EPB41L5: variants seen among roughly 807,000 people sequenced by gnomAD.
The protein encoded by EPB41L5 is band 4.1-like protein 5.
EPB41L5 carries 55 observed loss-of-function variants against 106.6 expected under a neutral mutation model. The observed-to-expected ratio is 0.52, with a 90% confidence interval of 0.42 to 0.65. The LOEUF (loss-of-function observed/expected upper bound fraction) is 0.65, where lower values mean the gene tolerates loss of function less well. Among genes scored for constraint, EPB41L5 ranks in the 30% least tolerant of loss-of-function variants. The pLI is 0.00. For synonymous variants in EPB41L5, 297 were observed against 306.7 expected (o/e 0.97, Z 0.33); for missense variants, 871 against 882.1 (o/e 0.99, Z 0.16).
At chr2:120,034,690 C>A (rs1176943857) in intron 2 of EPB41L5, among the ~76,000 whole-genome samples, 10 of 146,548 alleles carry the variant, frequency 6.8e-5, no homozygotes, top group South Asian at 2.2e-4. Flanking sequence ...CAAAACAAAA[C>A]AAAAAAAAAA....
chr2:120,077,493 G>T (rs576878760), intron 9 of EPB41L5, among the ~76,000 whole-genome samples, 177 bp downstream of exon 9: 1 of 152,262 alleles, frequency 6.6e-6, no homozygotes, highest in South Asian at 2.1e-4. Context: ...CTCACAGAAA[G>T]GTTCATTATA....
intron 2 of EPB41L5, among the ~76,000 whole-genome samples, chr2:120,039,254 G>A (rs1679239753): frequency 6.6e-6 from 1 of 152,048 alleles, no homozygotes; most frequent in South Asian, 2.1e-4. Context: ...GTATTAATGG[G>A]AGAGAAGTTA....
chr2:120,148,978 C>A (rs1261603685), intron 20 of EPB41L5, among the ~76,000 whole-genome samples: 7 of 152,064 alleles, frequency 4.6e-5, no homozygotes, highest in African/African-American at 1.2e-4. Context: ...TTCATTCTTA[C>A]CAGCAATGTA....
Position 120,019,089 on chromosome 2 carries a change from T to A in EPB41L5, c.5T>A (p.Leu2Gln), listed in dbSNP as rs1677742403. The change falls in exon 2 of 25, where the codon CTG (leucine) becomes CAG (glutamine). Residue 2 changes from leucine (L) to glutamine (Q), a missense_variant. Coordinates refer to ENST00000263713, the MANE Select transcript of EPB41L5 (RefSeq NM_020909.4). MLSFFRRTLGRR... is the reference protein window; with the variant it reads MQSFFRRTLGRR... ...TCTGTTTTTATAGTGACAAAAATGC[T>A]GAGTTTCTTCCGTAGAACACTAGGG... The A allele has an allele frequency of 6.3e-7, 1 of 1,596,870 alleles. No homozygotes were observed. The highest frequency in any genetic ancestry group is 1.4e-5 in the African/African-American group (1 of 73,504).
intron 1 of EPB41L5, chr2:120,013,429 C>T (rs1010639824): frequency 2.6e-5 from 4 of 152,070 alleles, no homozygotes; most frequent in African/African-American, 9.7e-5. Flanking sequence ...GGCAGGGCCG[C>T]CGAGTTTCGG....
chr2:120,145,211 G>A (rs1473986326), intron 19 of EPB41L5, among the ~76,000 whole-genome samples: 2 of 152,110 alleles, frequency 1.3e-5, no homozygotes, highest in Non-Finnish European at 2.9e-5. Flanking sequence ...CATCTAACCC[G>A]CAATTACATT....
intron 16 of EPB41L5, among the ~76,000 whole-genome samples, chr2:120,108,674 AT>A (rs1684586264): frequency 6.6e-6 from 1 of 152,198 alleles, no homozygotes; most frequent in African/African-American, 2.4e-5. Context: ...ATTTATACCC[AT>A]TAACAGAGAA....
intron 16 of EPB41L5, among the ~76,000 whole-genome samples, chr2:120,117,024 A>C (rs943698575): frequency 1.3e-5 from 2 of 152,194 alleles, no homozygotes; most frequent in Admixed American, 6.5e-5. Flanking sequence ...ATTTGCCCTT[A>C]ATTTTAAAAA....
chr2:120,146,955 T>G (rs890764509), intron 20 of EPB41L5, among the ~76,000 whole-genome samples: 27 of 152,208 alleles, frequency 1.8e-4, no homozygotes, highest in African/African-American at 6.5e-4. Context: ...CCACACATAG[T>G]ATGCATAGTG....
chr2:120,100,620 G>A lies in EPB41L5; in HGVS notation c.1222-79G>A. The A allele has an allele frequency of 5.1e-6, 5 of 973,600 alleles. No individual in the cohort carries two copies. In the Admixed American group the frequency reaches 9.0e-5, roughly 18 times the overall value. 60.3% of individuals were successfully genotyped at this position (973,600 alleles called of 1,614,324 possible). On this transcript the variant is annotated intron_variant, in intron 15 of 24. Transcript: ENST00000263713. Reference sequence around the variant, plus strand: ...ATTTTAATTGTTGGCTTTGTAAATAGTACTCCATTTTAGTATTTGTTGGTG... The same window carrying A: ...ATTTTAATTGTTGGCTTTGTAAATAATACTCCATTTTAGTATTTGTTGGTG...
At chr2:120,140,391 T>G (rs1404971835) in intron 18 of EPB41L5, among the ~76,000 whole-genome samples, 1 of 152,044 alleles carries the variant, frequency 6.6e-6, no homozygotes, top group East Asian at 1.9e-4. Context: ...TATGCCTGTA[T>G]CTACATATCT....
At chr2:120,082,237 G>A (rs1377930900) in intron 10 of EPB41L5, among the ~76,000 whole-genome samples, 3 of 152,202 alleles carry the variant, frequency 2.0e-5, no homozygotes, top group Non-Finnish European at 4.4e-5. Context: ...TATGATATTG[G>A]CTGTGGGTTT....
chr2:120,129,228 C>T (rs569455246), intron 17 of EPB41L5, among the ~76,000 whole-genome samples: 5 of 151,752 alleles, frequency 3.3e-5, no homozygotes, highest in Non-Finnish European at 5.9e-5. Context: ...CCCAGCTACT[C>T]GGGAGGCTGA....
chr2:120,148,362 C>T (rs921197385), intron 20 of EPB41L5, among the ~76,000 whole-genome samples: 2 of 151,684 alleles, frequency 1.3e-5, no homozygotes, highest in African/African-American at 4.8e-5. Context: ...AACCTTCATA[C>T]TCACTATAAT....
In EPB41L5 at chr2:120,143,751, T is replaced by G. The variant is rs116687664; in HGVS notation, c.1728+620T>G. On this transcript the variant is annotated intron_variant, in intron 19 of 24. Transcript: ENST00000263713. ...GCCTTGAAGAGACCTGATTGGACTT[T>G]AGGAATATTGTTCATGTTCTTTTTC... Among the ~76,000 whole-genome samples the G allele has an allele frequency of 4.1e-3, 617 of 152,318 alleles. 4 individuals are homozygous for G. Among genetic ancestry groups the G allele is most frequent in the Middle Eastern group, 0.014 (4 of 294 alleles).
intron 2 of EPB41L5, among the ~76,000 whole-genome samples, chr2:120,037,289 G>C (rs979860108): frequency 6.6e-6 from 1 of 152,108 alleles, no homozygotes; most frequent in Non-Finnish European, 1.5e-5. Flanking sequence ...GATATCCCAC[G>C]TTCAAGAATT....
intron 20 of EPB41L5, among the ~76,000 whole-genome samples, chr2:120,160,397 G>A (rs535047666): frequency 3.3e-5 from 5 of 152,262 alleles, no homozygotes; most frequent in South Asian, 2.1e-4. Context: ...GTGACAATAC[G>A]TTAAGCACTT....
chr2:120,056,608 C>T (rs999472710), intron 3 of EPB41L5, among the ~76,000 whole-genome samples: 23 of 151,682 alleles, frequency 1.5e-4, no homozygotes, highest in Admixed American at 1.0e-3. Flanking sequence ...CATTGGTTTG[C>T]CAGTATTTGA....
chr2:120,024,458 T>C (rs1047694100), intron 2 of EPB41L5, among the ~76,000 whole-genome samples: 24 of 152,226 alleles, frequency 1.6e-4, no homozygotes, highest in African/African-American at 5.8e-4. Flanking sequence ...TTTGTGTGTG[T>C]GTTTGTTTAT....
Sources: gnomAD v4.1 joint callset for allele counts (sites outside exome capture counted in the v4.1 genomes callset) on GRCh38, gnomAD v4.1.1 for gene constraint, MANE v1.5 for transcripts, NCBI Gene and HGNC (gene_info 2026-07-23, HGNC 2026-07-21) for gene names.